Variants in COL22A1 observed in about 807,000 individuals in gnomAD.
The protein encoded by COL22A1 is collagen type XXII alpha 1 chain.
In COL22A1, 221 loss-of-function variants were observed where a neutral mutation model predicts 248.9. The ratio of observed to expected loss-of-function variants is 0.89; its 90% CI spans 0.80 to 0.99. COL22A1 has a LOEUF of 0.99. Among genes scored for constraint, COL22A1 ranks in the 50% least tolerant of loss-of-function variants. The pLI is 0.00. For synonymous variants in COL22A1, 891 were observed against 793.4 expected, an observed-to-expected ratio of 1.12 and a Z score of -2.07; for missense variants, 2,240 against 2,179.0, an observed-to-expected ratio of 1.03 and a Z score of -0.56.
At chr8:138,664,111 C>T (rs1423351648) in intron 41 of COL22A1, among the ~76,000 whole-genome samples, 13 of 150,780 alleles carry the variant, frequency 8.6e-5, no homozygotes, top group South Asian at 2.1e-4. Context: ...TGGGAAAGGA[C>T]GGGCATGATA....
chr8:138,625,080 G>A (rs1820127716), intron 51 of COL22A1, among the ~76,000 whole-genome samples: 2 of 152,106 alleles, frequency 1.3e-5, no homozygotes, highest in Admixed American at 1.3e-4. Context: ...CCAGACCAAC[G>A]AATAATGGAG....
intron 56 of COL22A1, among the ~76,000 whole-genome samples, chr8:138,613,239 C>T (rs1335720138): frequency 8.1e-6 from 1 of 124,134 alleles, no homozygotes; most frequent in African/African-American, 2.7e-5. Context: ...CAGAGCGAGA[C>T]TCCGTTTCAA....
At chr8:138,819,377 C>A (rs1818917811) in intron 7 of COL22A1, among the ~76,000 whole-genome samples, 1 of 151,802 alleles carries the variant, frequency 6.6e-6, no homozygotes, top group Admixed American at 6.6e-5. Context: ...AAGGATATGG[C>A]CTAGCATCAC....
At chr8:138,724,361 G>A (rs898429839) in intron 25 of COL22A1, among the ~76,000 whole-genome samples, 1 of 152,194 alleles carries the variant, frequency 6.6e-6, no homozygotes, top group Non-Finnish European at 1.5e-5. Flanking sequence ...AGAAAGGTCA[G>A]TGGCCTAGGG....
intron 30 of COL22A1, among the ~76,000 whole-genome samples, chr8:138,705,971 G>A (rs1828399693): frequency 6.6e-6 from 1 of 151,960 alleles, no homozygotes; most frequent in Non-Finnish European, 1.5e-5. Flanking sequence ...AAAAAACCAG[G>A]GGTTGCAATC....
At chr8:138,694,077 G>T (rs763543849) in intron 34 of COL22A1, among the ~76,000 whole-genome samples, 1 of 152,136 alleles carries the variant, frequency 6.6e-6, no homozygotes, top group African/African-American at 2.4e-5. Flanking sequence ...CGAGCAAAAT[G>T]ACAGAATCAA....
intron 5 of COL22A1, among the ~76,000 whole-genome samples, chr8:138,832,185 TG>T (rs1326331833): frequency 6.6e-6 from 1 of 152,150 alleles, no homozygotes; most frequent in Non-Finnish European, 1.5e-5. Flanking sequence ...ATCCACCCTT[TG>T]TTTAGCATAT....
At chr8:138,790,341 A>C (rs1345082907) in intron 12 of COL22A1, among the ~76,000 whole-genome samples, 1 of 152,146 alleles carries the variant, frequency 6.6e-6, no homozygotes, top group African/African-American at 2.4e-5. Flanking sequence ...ATCACCTCCC[A>C]AGAGCCCCAC....
intron 3 of COL22A1, among the ~76,000 whole-genome samples, chr8:138,871,513 T>G (rs2132013037): frequency 6.6e-6 from 1 of 152,324 alleles, no homozygotes; most frequent in East Asian, 1.9e-4. Flanking sequence ...GTTTCTCAGC[T>G]TTGAAGCACT....
chr8:138,733,625 T>C (rs1307873495), intron 23 of COL22A1, among the ~76,000 whole-genome samples: 1 of 152,220 alleles, frequency 6.6e-6, no homozygotes, highest in Non-Finnish European at 1.5e-5. Flanking sequence ...TAGGCTGCCA[T>C]GGGATCAACC....
intron 22 of COL22A1, among the ~76,000 whole-genome samples, chr8:138,742,247 G>C (rs1409335644): frequency 2.0e-5 from 3 of 147,102 alleles, no homozygotes; most frequent in Admixed American, 1.3e-4. Flanking sequence ...GATGATGGTG[G>C]TGATGGTGAC....
At chr8:138,848,831 G>C (rs1821429369) in intron 3 of COL22A1, among the ~76,000 whole-genome samples, 1 of 152,160 alleles carries the variant, frequency 6.6e-6, no homozygotes, top group African/African-American at 2.4e-5. Context: ...TAGCATCTAG[G>C]AAGAGATACG....
chr8:138,684,932 G>T (rs1306489591), intron 38 of COL22A1, among the ~76,000 whole-genome samples: 3 of 152,176 alleles, frequency 2.0e-5, no homozygotes, highest in Non-Finnish European at 4.4e-5. Flanking sequence ...GAGCTGTGGG[G>T]ATGTGTTTGC....
At chr8:138,613,723 G>A in intron 56 of COL22A1, 144 bp downstream of exon 56, 1 of 789,284 alleles carries the variant, frequency 1.3e-6, no homozygotes, top group Non-Finnish European at 2.3e-6. Context: ...GGGGACTTAG[G>A]GGGGCAGCTA....
intron 30 of COL22A1, among the ~76,000 whole-genome samples, chr8:138,709,171 C>T (rs1828738045): frequency 6.6e-6 from 1 of 152,166 alleles, no homozygotes. Flanking sequence ...GAAATAGGAA[C>T]ACTTTTACAC....
intron 3 of COL22A1, among the ~76,000 whole-genome samples, chr8:138,876,721 G>A (rs571057504): frequency 2.0e-5 from 3 of 152,012 alleles, no homozygotes; most frequent in South Asian, 4.2e-4. Context: ...CTCTCATCAC[G>A]AGCACCTTCC....
chr8:138,744,092 G>C (rs1831918273), intron 22 of COL22A1, among the ~76,000 whole-genome samples: 1 of 152,136 alleles, frequency 6.6e-6, no homozygotes, highest in South Asian at 2.1e-4. Flanking sequence ...TATAAACCCT[G>C]GCTTCATGCC....
chr8:138,739,545 T>A (rs752521132), intron 22 of COL22A1, among the ~76,000 whole-genome samples: 2 of 152,218 alleles, frequency 1.3e-5, no homozygotes, highest in Non-Finnish European at 2.9e-5. Context: ...TGCTTATTTA[T>A]TGCATGTCTA....
At chr8:138,630,864 T>A in intron 49 of COL22A1, 116 bp from the exon 50 acceptor site, 1 of 905,862 alleles carries the variant, frequency 1.1e-6, no homozygotes, top group Non-Finnish European at 1.8e-6. Flanking sequence ...CCTCCAAATC[T>A]CATGTTGAAA....
Sources: gnomAD v4.1 joint callset for allele counts (sites outside exome capture counted in the v4.1 genomes callset) on GRCh38, gnomAD v4.1.1 for gene constraint, MANE v1.5 for transcripts, NCBI Gene and HGNC (gene_info 2026-07-23, HGNC 2026-07-21) for gene names.